Variants in SNRPN observed in about 807,000 individuals in gnomAD.
SNRPN encodes the protein small nuclear ribonucleoprotein-associated protein N.
In SNRPN, 7 loss-of-function variants were observed where a neutral mutation model predicts 25.2. That is an observed-to-expected ratio of 0.28 (90% CI 0.16 to 0.52). The LOEUF (loss-of-function observed/expected upper bound fraction) is 0.52. Among genes scored for constraint, SNRPN ranks in the 20% least tolerant of loss-of-function variants. The probability of loss-of-function intolerance (pLI) is 0.96; values close to 1 mark genes in which losing one functional copy is unlikely to be tolerated. For missense variants in SNRPN, 196 were observed against 322.5 expected (o/e 0.61, Z 3.00); for synonymous variants, 124 against 110.6 (o/e 1.12, Z -0.76).
intron 2 of SNRPN, among the ~76,000 whole-genome samples, chr15:24,918,550 GTA>G (rs1228263032): frequency 9.5e-6 from 1 of 105,412 alleles, no homozygotes; most frequent in Non-Finnish European, 1.9e-5. Context: ...ATATATGTGT[GTA>G]TATATAACAT....
chr15:24,894,283 A>C (rs992205582), intron 2 of SNRPN, among the ~76,000 whole-genome samples: 1 of 151,000 alleles, frequency 6.6e-6, no homozygotes, highest in African/African-American at 2.4e-5. Context: ...CAGTGGTGTG[A>C]TCTCGGCTCA....
intron 1 of SNRPN, among the ~76,000 whole-genome samples, chr15:24,880,018 C>T (rs140760887): frequency 5.3e-5 from 8 of 152,256 alleles, no homozygotes; most frequent in African/African-American, 1.9e-4. Flanking sequence ...TCCATAACTT[C>T]ACAGTAATTT....
chr15:24,953,142 A>G (rs181146568), upstream of SNRPN, among the ~76,000 whole-genome samples: 8 of 152,262 alleles, frequency 5.3e-5, no homozygotes, highest in East Asian at 1.5e-3. Context: ...TTTGTTACAG[A>G]TTAGGAATTT....
intron 2 of SNRPN, chr15:24,909,099 C>T (rs1011754537): frequency 7.3e-7 from 1 of 1,374,320 alleles, no homozygotes; most frequent in Non-Finnish European, 1.0e-6. Context: ...GCATGAGCTT[C>T]CTTATACATT....
chr15:24,974,061 T>C (rs570550435), intron 3 of SNRPN, among the ~76,000 whole-genome samples: 4 of 152,298 alleles, frequency 2.6e-5, no homozygotes, highest in African/African-American at 9.6e-5. Context: ...AAAATGACGC[T>C]TAGTTTTTGA....
intron 1 of SNRPN, among the ~76,000 whole-genome samples, chr15:24,875,388 C>T (rs1331771551): frequency 6.6e-6 from 1 of 152,166 alleles, no homozygotes; most frequent in Non-Finnish European, 1.5e-5. Context: ...AGTCTAGTTT[C>T]AGAAATTGTG....
chr15:24,878,388 G>A (rs2056205967), intron 1 of SNRPN, among the ~76,000 whole-genome samples: 1 of 152,252 alleles, frequency 6.6e-6, no homozygotes, highest in African/African-American at 2.4e-5. Context: ...TGACAGTTGG[G>A]GAGAACGGCA....
chr15:24,977,646 C>T, intron 7 of SNRPN, 132 bp from the exon 8 acceptor site: 1 of 882,954 alleles, frequency 1.1e-6, no homozygotes, highest in Non-Finnish European at 1.6e-6. Context: ...CAAAAAAAAA[C>T]ATGGGAATAA....
At chr15:24,903,765 G>A (rs1018457461) in intron 2 of SNRPN, among the ~76,000 whole-genome samples, 1 of 152,178 alleles carries the variant, frequency 6.6e-6, no homozygotes, top group African/African-American at 2.4e-5. Flanking sequence ...CAAGCGCGGT[G>A]GCTCACACTT....
At chr15:24,898,502 C>T (rs1292727979) in intron 2 of SNRPN, among the ~76,000 whole-genome samples, 3 of 151,852 alleles carry the variant, frequency 2.0e-5, no homozygotes, top group Non-Finnish European at 4.4e-5. Context: ...GCAGGAGAAT[C>T]ACTTGAACCC....
chr15:24,971,283 A>T (rs772493878), intron 3 of SNRPN, among the ~76,000 whole-genome samples: 10 of 151,968 alleles, frequency 6.6e-5, no homozygotes, highest in Non-Finnish European at 1.5e-4. Context: ...TGATGTTGCT[A>T]CTCTCGTCGC....
intron 2 of SNRPN, among the ~76,000 whole-genome samples, chr15:24,893,173 A>C (rs1293666261): frequency 6.6e-6 from 1 of 152,138 alleles, no homozygotes; most frequent in East Asian, 1.9e-4. Context: ...GAGCCACTGC[A>C]CTCCAGCCTG....
At chr15:24,941,089 A>T (rs2061523469) in intron 3 of SNRPN, among the ~76,000 whole-genome samples, 1 of 152,038 alleles carries the variant, frequency 6.6e-6, no homozygotes, top group Non-Finnish European at 1.5e-5. Flanking sequence ...CGACTCTCCT[A>T]CCTCAGCCTC....
rs115021372 is a variant in SNRPN, at chr15:24,840,841, G to T, written c.-579+10936G>T. 7.7e-3 allele frequency among the ~76,000 whole-genome samples: 1,179 copies of T among 152,164 alleles called. 15 individuals are homozygous for T. Among genetic ancestry groups the T allele is most frequent in the African/African-American group, 0.025 (1,057 of 41,524 alleles). Reference sequence around the variant, plus strand: ...CTGGGCTGTTACATTGTGACAGGTGGGTTGTCACTTTTTTCTTTTTTTCGA... The same window carrying T: ...CTGGGCTGTTACATTGTGACAGGTGTGTTGTCACTTTTTTCTTTTTTTCGA... On this transcript the variant is annotated intron_variant, in intron 2 of 12. Transcript: ENST00000400100.
chr15:24,829,204 T>C (rs1024236602), intron 1 of SNRPN, among the ~76,000 whole-genome samples: 1 of 152,084 alleles, frequency 6.6e-6, no homozygotes, highest in Non-Finnish European at 1.5e-5. Context: ...AATTCTCAGA[T>C]GTTAAAGGCC....
At position 24,955,000 on chromosome 15, in the gene SNRPN, G is replaced by T; in HGVS notation, c.-453G>T. 1 of 1,610,868 alleles carries T rather than the reference G, an allele frequency of 6.2e-7. No homozygotes were observed. The highest frequency in any genetic ancestry group is 1.3e-5 in the African/African-American group (1 of 74,990). On this transcript the variant is annotated 5_prime_UTR_variant, in exon 1 of 10. Coordinates refer to ENST00000390687, the MANE Select transcript of SNRPN (RefSeq NM_003097.6). ...AGCGAGTCTGGCGCAGAGTGGAGCGGCCGCCGGAGATGCCTGACGCATCTG... is the reference window on the plus strand; with the variant it reads ...AGCGAGTCTGGCGCAGAGTGGAGCGTCCGCCGGAGATGCCTGACGCATCTG...
At chr15:24,916,362 G>A (rs1474355118) in intron 2 of SNRPN, among the ~76,000 whole-genome samples, 3 of 152,104 alleles carry the variant, frequency 2.0e-5, no homozygotes, top group Non-Finnish European at 4.4e-5. Context: ...CAAAGACAGA[G>A]ACAGAAAGAG....
chr15:24,864,912 A>T (rs1314959145), intron 1 of SNRPN, among the ~76,000 whole-genome samples: 11 of 152,122 alleles, frequency 7.2e-5, no homozygotes, highest in Admixed American at 7.2e-4. Flanking sequence ...ATTTGTTAAC[A>T]TAAAAATCAT....
chr15:24,907,683 T>G (rs1471402981), intron 2 of SNRPN, among the ~76,000 whole-genome samples: 1 of 152,000 alleles, frequency 6.6e-6, no homozygotes, highest in South Asian at 2.1e-4. Flanking sequence ...TGGGCTCAAG[T>G]GATCCTCCCA....
Sources: gnomAD v4.1 joint callset for allele counts (sites outside exome capture counted in the v4.1 genomes callset) on GRCh38, gnomAD v4.1.1 for gene constraint, MANE v1.5 for transcripts, NCBI Gene and HGNC (gene_info 2026-07-23, HGNC 2026-07-21) for gene names.